The following LRP1B variants were observed in gnomAD, a reference collection of about 807,000 sequenced individuals.
The protein encoded by LRP1B is LDL receptor related protein 1B.
A neutral mutation model predicts 556.6 loss-of-function variants in LRP1B; 217 were observed. That is an observed-to-expected ratio of 0.39 (90% confidence interval 0.35 to 0.44). The LOEUF (loss-of-function observed/expected upper bound fraction) is 0.44, where lower values mean the gene tolerates loss of function less well. Among genes scored for constraint, LRP1B ranks in the 20% least tolerant of loss-of-function variants. The pLI is 1.00. For synonymous variants in LRP1B, 2,047 were observed against 1,865.8 expected (o/e 1.10, Z -2.50); for missense variants, 5,053 against 5,620.8 (o/e 0.90, Z 3.23).
intron 21 of LRP1B, among the ~76,000 whole-genome samples, chr2:140,912,401 A>G (rs1260793088): frequency 6.6e-6 from 1 of 151,674 alleles, no homozygotes; most frequent in African/African-American, 2.4e-5. Flanking sequence ...ATAAGAAATA[A>G]GTAGTTATTA....
At chr2:141,043,676 G>A (rs1698775119) in intron 11 of LRP1B, among the ~76,000 whole-genome samples, 1 of 151,892 alleles carries the variant, frequency 6.6e-6, no homozygotes. Flanking sequence ...CTGCATTTGA[G>A]TAGAATGAAG....
chr2:141,095,896 GATGGAGGAGGACTATTTGGTCA>G (rs1700286681), intron 7 of LRP1B, among the ~76,000 whole-genome samples: 1 of 152,058 alleles, frequency 6.6e-6, no homozygotes, highest in Non-Finnish European at 1.5e-5. Flanking sequence ...ATTCTTCCCA[GATGGAGGAGGACTATTTGGTCA>G]ATAAGAGATA....
chr2:141,721,867 A>G (rs1692826470), intron 2 of LRP1B, among the ~76,000 whole-genome samples: 1 of 152,140 alleles, frequency 6.6e-6, no homozygotes, highest in East Asian at 1.9e-4. Flanking sequence ...CTTTATCCAG[A>G]CCATTAAAAC....
intron 1 of LRP1B, among the ~76,000 whole-genome samples, chr2:141,871,841 A>T (rs1373672008): frequency 6.6e-6 from 1 of 151,968 alleles, no homozygotes; most frequent in Non-Finnish European, 1.5e-5. Context: ...AGGAAATAAG[A>T]CCACCCTCAA....
chr2:140,330,955 A>G (rs1185434408), intron 79 of LRP1B, among the ~76,000 whole-genome samples: 1 of 152,122 alleles, frequency 6.6e-6, no homozygotes, highest in African/African-American at 2.4e-5. Flanking sequence ...CAACAAACAT[A>G]TGAAAAAAAG....
intron 2 of LRP1B, among the ~76,000 whole-genome samples, chr2:141,709,544 CTTTG>C (rs1185611834): frequency 2.0e-5 from 3 of 151,910 alleles, no homozygotes; most frequent in Non-Finnish European, 4.4e-5. Context: ...TTTTGAATTT[CTTTG>C]TTTGGTTTTA....
chr2:141,966,805 T>C (rs974315255), intron 1 of LRP1B, among the ~76,000 whole-genome samples: 3 of 151,824 alleles, frequency 2.0e-5, no homozygotes, highest in African/African-American at 4.8e-5. Flanking sequence ...GGAGAAATCA[T>C]TCTAACCCAT....
chr2:140,414,175 C>G (rs1162335626), intron 66 of LRP1B, among the ~76,000 whole-genome samples: 1 of 152,176 alleles, frequency 6.6e-6, no homozygotes, highest in Non-Finnish European at 1.5e-5. Flanking sequence ...CTTTACCTTT[C>G]AAAGCACTGG....
At chr2:141,475,483 A>G (rs1390389903) in intron 3 of LRP1B, among the ~76,000 whole-genome samples, 1 of 152,110 alleles carries the variant, frequency 6.6e-6, no homozygotes, top group East Asian at 1.9e-4. Flanking sequence ...GACAGGAGGG[A>G]GGGAAATCCT....
intron 2 of LRP1B, among the ~76,000 whole-genome samples, chr2:141,795,900 A>ATG (rs1553465421): frequency 1.3e-5 from 1 of 78,984 alleles, no homozygotes; most frequent in East Asian, 5.7e-4. Flanking sequence ...ATATATATAT[A>ATG]ATCTTTAAGC....
At position 140,334,655 on chromosome 2, in the gene LRP1B, A is replaced by AG. The variant is rs1680979074; in HGVS notation, c.12117-97dup. The AG allele has an allele frequency of 4.8e-6, 3 of 626,338 alleles. No homozygotes were observed. In the Admixed American group the frequency reaches 8.6e-5, roughly 18 times the overall value. 38.8% of individuals were successfully genotyped at this position (626,338 alleles called of 1,614,324 possible). ...AGTGGCTCTTCAGACCACGTGCCTC[A>AG]GAATCACCCCAGAGTCTCTTAAAAA... On this transcript the variant is annotated intron_variant, in intron 78 of 90. Transcript: ENST00000389484.
At chr2:141,305,600 C>T (rs1444327700) in intron 3 of LRP1B, among the ~76,000 whole-genome samples, 4 of 152,112 alleles carry the variant, frequency 2.6e-5, no homozygotes, top group Non-Finnish European at 5.9e-5. Flanking sequence ...TGCCCTATTG[C>T]CCTTGCTAGG....
At chr2:140,870,426 G>A (rs1028938555) in intron 25 of LRP1B, among the ~76,000 whole-genome samples, 1 of 151,984 alleles carries the variant, frequency 6.6e-6, no homozygotes, top group African/African-American at 2.4e-5. Context: ...ATATGAAGAG[G>A]GTATATAAGC....
At chr2:141,124,755 A>G (rs774855437) in intron 7 of LRP1B, among the ~76,000 whole-genome samples, 15 of 151,954 alleles carry the variant, frequency 9.9e-5, no homozygotes, top group Non-Finnish European at 1.5e-4. Context: ...CCAATTTTTC[A>G]TATTTTGAAA....
intron 86 of LRP1B, among the ~76,000 whole-genome samples, chr2:140,263,587 G>T (rs916548958): frequency 6.6e-6 from 1 of 151,926 alleles, no homozygotes; most frequent in African/African-American, 2.4e-5. Context: ...TCAACATTTC[G>T]CATAGTCTCT....
intron 2 of LRP1B, among the ~76,000 whole-genome samples, chr2:141,529,604 A>G (rs1438067321): frequency 6.6e-6 from 1 of 152,172 alleles, no homozygotes; most frequent in Non-Finnish European, 1.5e-5. Context: ...ATTCAAGTAT[A>G]GAATCTGACT....
chr2:142,037,066 T>C (rs1703905820), intron 1 of LRP1B, among the ~76,000 whole-genome samples: 1 of 151,636 alleles, frequency 6.6e-6, no homozygotes, highest in Admixed American at 6.6e-5. Context: ...TTACTGCTGA[T>C]GGGCATCAGA....
At chr2:140,724,478 C>A (rs531721193) in intron 35 of LRP1B, among the ~76,000 whole-genome samples, 64 of 152,192 alleles carry the variant, frequency 4.2e-4, no homozygotes, top group African/African-American at 1.3e-3. Context: ...CTATTAAACC[C>A]TATTCCATAT....
At chr2:141,904,266 T>C (rs762776095) in intron 1 of LRP1B, among the ~76,000 whole-genome samples, 4 of 151,848 alleles carry the variant, frequency 2.6e-5, no homozygotes, top group Non-Finnish European at 5.9e-5. Context: ...ACAATGATGG[T>C]GTAGCTTTCA....
Sources: allele counts gnomAD v4.1 joint callset (sites outside exome capture counted in the v4.1 genomes callset), GRCh38; gene constraint gnomAD v4.1.1; transcripts MANE v1.5; gene names NCBI Gene and HGNC (gene_info 2026-07-23, HGNC 2026-07-21).